The following ZNF407 variants were observed in gnomAD, a reference collection of about 807,000 sequenced individuals.
ZNF407 encodes zinc finger protein 407.
ZNF407 carries 17 observed loss-of-function variants against 131.2 expected under a neutral mutation model. That is an observed-to-expected ratio of 0.13 (90% CI 0.09 to 0.19). The LOEUF is 0.19. ZNF407 is among the 10% of genes least tolerant of loss of function. The pLI is 1.00. For synonymous variants in ZNF407, 1,156 were observed against 1,062.0 expected, an observed-to-expected ratio of 1.09 and a Z score of -1.72; for missense variants, 2,681 against 2,830.6, an observed-to-expected ratio of 0.95 and a Z score of 1.20.
At chr18:74,680,929 T>G (rs2144776972) in intron 3 of ZNF407, among the ~76,000 whole-genome samples, 1 of 152,322 alleles carries the variant, frequency 6.6e-6, no homozygotes, top group East Asian at 1.9e-4. Context: ...CTGTATAAAA[T>G]TCAAAATTTT....
At chr18:74,828,469 G>A (rs1364660925) in intron 4 of ZNF407, among the ~76,000 whole-genome samples, 1 of 152,182 alleles carries the variant, frequency 6.6e-6, no homozygotes, top group Non-Finnish European at 1.5e-5. Context: ...TATATCTGAC[G>A]AGGCTGCTAG....
chr18:74,735,140 G>A (rs761521366), intron 3 of ZNF407, among the ~76,000 whole-genome samples: 3 of 152,160 alleles, frequency 2.0e-5, no homozygotes, highest in African/African-American at 7.2e-5. Flanking sequence ...GGAAAATACT[G>A]TATAGTTGTT....
intron 3 of ZNF407, among the ~76,000 whole-genome samples, chr18:74,711,033 GCTATTATCAATTCACT>G (rs879275640): frequency 3.0e-3 from 450 of 150,884 alleles, no homozygotes; most frequent in Non-Finnish European, 4.5e-3. Context: ...CTCCATGGAT[GCTATTATCAATTCACT>G]CTGTCCATTC....
At chr18:74,857,215 G>A (rs1406359983) in intron 4 of ZNF407, among the ~76,000 whole-genome samples, 1 of 152,154 alleles carries the variant, frequency 6.6e-6, no homozygotes, top group African/African-American at 2.4e-5. Flanking sequence ...GCACTTCAGA[G>A]GCTGATATTC....
intron 4 of ZNF407, among the ~76,000 whole-genome samples, chr18:74,835,227 C>A (rs1970538693): frequency 6.6e-6 from 1 of 152,182 alleles, no homozygotes; most frequent in African/African-American, 2.4e-5. Flanking sequence ...GGACATCTGA[C>A]CACACCATCG....
At chr18:74,657,123 C>T (rs1249882711) in intron 3 of ZNF407, among the ~76,000 whole-genome samples, 16 of 146,440 alleles carry the variant, frequency 1.1e-4, no homozygotes, top group Admixed American at 1.4e-4. Context: ...GTGTAGTCTT[C>T]CTGTTTGCTT....
intron 3 of ZNF407, among the ~76,000 whole-genome samples, chr18:74,666,329 C>T (rs913370083): frequency 4.6e-5 from 7 of 152,034 alleles, no homozygotes; most frequent in African/African-American, 9.7e-5. Context: ...CCAGACAGGC[C>T]GGGGACAGAG....
At chr18:75,042,299 A>G (rs1378218356) in intron 8 of ZNF407, among the ~76,000 whole-genome samples, 1 of 152,212 alleles carries the variant, frequency 6.6e-6, no homozygotes, top group African/African-American at 2.4e-5. Flanking sequence ...AGAAGATTAT[A>G]TAAACCATAA....
intron 8 of ZNF407, among the ~76,000 whole-genome samples, chr18:74,968,144 T>A (rs1212153657): frequency 6.6e-6 from 1 of 152,196 alleles, no homozygotes; most frequent in Non-Finnish European, 1.5e-5. Flanking sequence ...GGGTGCTCCT[T>A]TTGGAGTATG....
intron 4 of ZNF407, among the ~76,000 whole-genome samples, chr18:74,837,890 G>A (rs1465972520): frequency 6.6e-6 from 1 of 152,180 alleles, no homozygotes; most frequent in East Asian, 1.9e-4. Context: ...CTGAGCTCAA[G>A]CGACCTGCCC....
chr18:74,826,108 C>T (rs564084843), intron 4 of ZNF407, among the ~76,000 whole-genome samples: 2 of 152,130 alleles, frequency 1.3e-5, no homozygotes, highest in African/African-American at 2.4e-5. Context: ...GGTTACTTTA[C>T]TTTTGTAGAA....
Position 74,726,913 on chromosome 18 carries a change from G to A in ZNF407, c.4803-54515G>A, listed in dbSNP as rs116162608. Among the ~76,000 whole-genome samples, 301 of 152,220 alleles carry A rather than the reference G, an allele frequency of 2.0e-3. 1 individual carries two copies. The highest frequency in any genetic ancestry group is 6.9e-3 in the African/African-American group (288 of 41,508). On this transcript the variant is annotated intron_variant, in intron 3 of 8. Coordinates refer to ENST00000299687, the MANE Select transcript of ZNF407 (RefSeq NM_017757.3). ...CAGTATTTCGGTGCATCTTATTGGA[G>A]GTGAGAAGATCTTTAGACATTTTCT... is the stretch of plus-strand genomic sequence containing the variant.
intron 5 of ZNF407, 82 bp from the exon 6 acceptor site, chr18:74,880,954 T>G (rs1971228912): frequency 8.7e-7 from 1 of 1,154,594 alleles, no homozygotes; most frequent in Admixed American, 2.0e-5. Flanking sequence ...ATTGGAGGAA[T>G]TAGTAACCCT....
intron 3 of ZNF407, among the ~76,000 whole-genome samples, chr18:74,776,161 A>G (rs1969467063): frequency 6.6e-6 from 1 of 152,188 alleles, no homozygotes; most frequent in Non-Finnish European, 1.5e-5. Flanking sequence ...TAGTGTCCTT[A>G]TAAGAAAGGC....
intron 7 of ZNF407, among the ~76,000 whole-genome samples, chr18:74,906,089 C>G (rs1186358100): frequency 2.0e-5 from 3 of 152,182 alleles, no homozygotes; most frequent in Non-Finnish European, 4.4e-5. Flanking sequence ...ACCATACCTG[C>G]ATTCCCAGCA....
chr18:74,650,913 A>G (rs1010827298), intron 3 of ZNF407, among the ~76,000 whole-genome samples: 8 of 151,872 alleles, frequency 5.3e-5, no homozygotes, highest in Non-Finnish European at 8.8e-5. Flanking sequence ...GGGGCAAGAA[A>G]TTGCTATATA....
At chr18:74,748,321 A>C (rs574435825) in intron 3 of ZNF407, among the ~76,000 whole-genome samples, 1 of 151,536 alleles carries the variant, frequency 6.6e-6, no homozygotes, top group East Asian at 1.9e-4. Context: ...AAGTAGTCAA[A>C]TTCTTGAGGA....
chr18:74,752,906 G>T lies in ZNF407; in HGVS notation c.4803-28522G>T, dbSNP rs536827544. ...CTTTAAAGTAGTTTTTTCCAATTCT[G>T]TGAAGAAAGTCATTGGTGGCTTGAT... On this transcript the variant is annotated intron_variant, in intron 3 of 8. Transcript: ENST00000299687. Among the ~76,000 whole-genome samples, 3 of 152,272 alleles carry T rather than the reference G, an allele frequency of 2.0e-5. No individual in the cohort carries two copies. In the South Asian group the frequency reaches 6.2e-4, roughly 32 times the overall value.
intron 7 of ZNF407, among the ~76,000 whole-genome samples, chr18:74,899,103 T>C (rs1394757955): frequency 6.6e-6 from 1 of 152,228 alleles, no homozygotes; most frequent in Non-Finnish European, 1.5e-5. Context: ...TTCTCTCCAC[T>C]GTCCATGCTG....
Sources: gnomAD v4.1 joint callset for allele counts (sites outside exome capture counted in the v4.1 genomes callset) on GRCh38, gnomAD v4.1.1 for gene constraint, MANE v1.5 for transcripts, NCBI Gene and HGNC (gene_info 2026-07-23, HGNC 2026-07-21) for gene names.